The following ITGAL variants were observed in gnomAD, a reference collection of about 807,000 sequenced individuals.
ITGAL encodes integrin alpha-L.
In ITGAL, 68 loss-of-function variants were observed where a neutral mutation model predicts 138.4. The ratio of observed to expected loss-of-function variants is 0.49; its 90% CI spans 0.40 to 0.60. The LOEUF (loss-of-function observed/expected upper bound fraction) is 0.60. ITGAL is among the 20% of genes least tolerant of loss of function. The pLI, the probability that ITGAL is intolerant of heterozygous loss-of-function variation, is 0.00. For missense variants in ITGAL, 1,256 were observed against 1,478.6 expected (o/e 0.85, Z 2.47); for synonymous variants, 561 against 584.3 (o/e 0.96, Z 0.57).
At position 30,488,893 on chromosome 16, in the gene ITGAL, C is replaced by A. The variant is rs1397186008; in HGVS notation, c.1007-189C>A. 4.4e-5 allele frequency: 26 copies of A among 587,714 alleles called. No individual in the cohort carries two copies. In the East Asian group the frequency reaches 7.8e-4, roughly 18 times the overall value. The allele number at this position is 587,714 out of a possible 1,614,324, so 36.4% of individuals were successfully genotyped here. On this transcript the variant is annotated intron_variant, in intron 9 of 30. Coordinates refer to ENST00000356798, the MANE Select transcript of ITGAL (RefSeq NM_002209.3). ...CCTTGTTTCAACAACAAAAAACAAA[C>A]AAATCTGGGACTCCCAGGGTAAAAG...
chr16:30,510,820 G>C lies in ITGAL; in HGVS notation c.2620-61G>C. 2.3e-6 allele frequency: 3 copies of C among 1,285,202 alleles called. No homozygotes were observed. In the South Asian group the frequency reaches 3.6e-5, roughly 15 times the overall value. 79.6% of individuals were successfully genotyped at this position (1,285,202 alleles called of 1,614,324 possible). ...CCTGAGATGATGGTGATTAGATGTG[G>C]GGGCCATGAGGCTGCTCCTCATGAC... On this transcript the variant is annotated intron_variant, in intron 22 of 30. Coordinates refer to ENST00000356798, the MANE Select transcript of ITGAL (RefSeq NM_002209.3).
intron 25 of ITGAL, among the ~76,000 whole-genome samples, chr16:30,515,916 G>A (rs780652045): frequency 6.6e-6 from 1 of 151,554 alleles, no homozygotes; most frequent in Non-Finnish European, 1.5e-5. Context: ...AGGTTGCAGC[G>A]AGCTGTGATC....
At chr16:30,474,353 A>G in intron 2 of ITGAL, 55 bp downstream of exon 2, 1 of 1,325,492 alleles carries the variant, frequency 7.5e-7, no homozygotes, top group Non-Finnish European at 1.1e-6. Context: ...GCAGCCCCCG[A>G]GGCGGTGGCC....
Position 30,481,681 on chromosome 16 carries a change from A to G in ITGAL, c.722+97A>G, listed in dbSNP as rs999285695. Reference sequence around the variant, plus strand: ...GGGCATGGGAACTCAGTAGGTAGGTACAGCAAGGGGCAGTTTATTGTCTGA... The same window carrying G: ...GGGCATGGGAACTCAGTAGGTAGGTGCAGCAAGGGGCAGTTTATTGTCTGA... On this transcript the variant is annotated intron_variant, in intron 7 of 30. Coordinates refer to ENST00000356798, the MANE Select transcript of ITGAL (RefSeq NM_002209.3). 3 of 1,060,700 alleles carry G rather than the reference A, an allele frequency of 2.8e-6. No homozygotes were observed. In the African/African-American group the frequency reaches 4.8e-5, roughly 17 times the overall value. The allele number at this position is 1,060,700 out of a possible 1,614,324, so 65.7% of individuals were successfully genotyped here. A position where few individuals can be genotyped will look rare whatever the true frequency, so the allele number is the denominator to read the frequency against.
intron 4 of ITGAL, among the ~76,000 whole-genome samples, chr16:30,477,752 G>T (rs1043099840): frequency 7.9e-5 from 12 of 151,940 alleles, no homozygotes; most frequent in Non-Finnish European, 1.3e-4. Context: ...CAGGCATGGT[G>T]GCGTGTGCCT....
intron 29 of ITGAL, among the ~76,000 whole-genome samples, chr16:30,519,431 A>G (rs1024823177): frequency 2.0e-5 from 3 of 152,040 alleles, no homozygotes; most frequent in Non-Finnish European, 4.4e-5. Flanking sequence ...GGAGTTACCA[A>G]GCCAAGTCAG....
chr16:30,519,647 T>C (rs147786665), intron 29 of ITGAL: 16 of 545,676 alleles, frequency 2.9e-5, no homozygotes, highest in Middle Eastern at 7.0e-4. Context: ...GGGGAAGCCA[T>C]TGAAGGCCTA....
intron 17 of ITGAL, among the ~76,000 whole-genome samples, chr16:30,502,893 A>G (rs1391798798): frequency 6.6e-6 from 1 of 151,242 alleles, no homozygotes; most frequent in African/African-American, 2.4e-5. Flanking sequence ...GGCCCACTGC[A>G]GCCTCTGCCC....
At chr16:30,520,543 A>T (rs928798956) in intron 30 of ITGAL, among the ~76,000 whole-genome samples, 4 of 152,220 alleles carry the variant, frequency 2.6e-5, no homozygotes, top group African/African-American at 9.6e-5. Context: ...CCAAATGTGG[A>T]GGTCCTTTTG....
At chr16:30,504,115 T>C in intron 17 of ITGAL, 60 bp from the exon 18 acceptor site, 2 of 1,265,658 alleles carry the variant, frequency 1.6e-6, no homozygotes, top group Non-Finnish European at 2.3e-6. Flanking sequence ...GGTATACATC[T>C]AATCGGAAGT....
chr16:30,519,115 C>G (rs550848661), intron 29 of ITGAL, among the ~76,000 whole-genome samples: 1 of 151,944 alleles, frequency 6.6e-6, no homozygotes, highest in Non-Finnish European at 1.5e-5. Context: ...CCCAGCTGTT[C>G]GGGAGGCTGA....
chr16:30,496,674 C>A, intron 15 of ITGAL, 108 bp downstream of exon 15: 1 of 1,061,102 alleles, frequency 9.4e-7, no homozygotes, highest in Non-Finnish European at 1.3e-6. Context: ...CAGGGTCTCT[C>A]TTTGTTGCTC....
chr16:30,518,298 C>T (rs1265270876), intron 28 of ITGAL, among the ~76,000 whole-genome samples: 1 of 151,608 alleles, frequency 6.6e-6, no homozygotes, highest in Admixed American at 6.6e-5. Context: ...AAATACAAAA[C>T]TTTAGCCGGG....
chr16:30,475,194 A>C, intron 2 of ITGAL, 112 bp from the exon 3 acceptor site: 1 of 788,522 alleles, frequency 1.3e-6, no homozygotes, highest in Non-Finnish European at 2.1e-6. Context: ...TTGAAGGGGA[A>C]TGGCTGCAGT....
intron 21 of ITGAL, among the ~76,000 whole-genome samples, chr16:30,508,479 C>T (rs1028697959): frequency 5.9e-5 from 9 of 152,172 alleles, no homozygotes; most frequent in Non-Finnish European, 1.2e-4. Flanking sequence ...TCCCAAAGTG[C>T]TGGGATTACA....
chr16:30,521,085 A>AAAAAT (rs1413902137), intron 30 of ITGAL, among the ~76,000 whole-genome samples: 23 of 151,904 alleles, frequency 1.5e-4, no homozygotes, highest in Admixed American at 1.3e-3. Flanking sequence ...ACTCCATCTC[A>AAAAAT]AAAATAAAAT....
At chr16:30,482,048 C>G (rs556723692) in intron 7 of ITGAL, among the ~76,000 whole-genome samples, 2 of 152,086 alleles carry the variant, frequency 1.3e-5, no homozygotes, top group Non-Finnish European at 2.9e-5. Context: ...TGTGCCACCA[C>G]GCCTGGCTAA....
chr16:30,507,741 C>T (rs1027568333), intron 21 of ITGAL, among the ~76,000 whole-genome samples: 24 of 152,148 alleles, frequency 1.6e-4, no homozygotes, highest in Admixed American at 8.5e-4. Context: ...CCTACCTCAG[C>T]CTCCCAAAGT....
rs2050596421 is a variant in ITGAL, at chr16:30,483,933, A to G, written c.829A>G (p.Lys277Glu). ...TGACAGTGGCAACATCGATGCGGCCAAAGACATCATCCGCTACATCATCGG... is the reference window on the plus strand; with the variant it reads ...TGACAGTGGCAACATCGATGCGGCCGAAGACATCATCCGCTACATCATCGG... Reference protein sequence around the residue: ...ATDSGNIDAAKDIIRYIIGIG... With the variant: ...ATDSGNIDAAEDIIRYIIGIG... The change falls in exon 8 of 31, where the codon AAA becomes GAA. Residue 277 changes from lysine (K) to glutamate (E), a missense_variant. This residue lies in a region of ITGAL where 177 missense variants were observed against 288.8 expected (regional missense o/e 0.61). Coordinates refer to ENST00000356798, the MANE Select transcript of ITGAL (RefSeq NM_002209.3). 1 of 1,613,756 alleles carries G rather than the reference A, an allele frequency of 6.2e-7. No homozygotes were observed. Among genetic ancestry groups the G allele is most frequent in the African/African-American group, 1.3e-5 (1 of 74,900 alleles).
Sources: allele counts gnomAD v4.1 joint callset (sites outside exome capture counted in the v4.1 genomes callset), GRCh38; gene constraint gnomAD v4.1.1; regional missense constraint gnomAD v4.1.1; transcripts MANE v1.5; gene names NCBI Gene and HGNC (gene_info 2026-07-23, HGNC 2026-07-21).